CD81: variants seen among roughly 807,000 people sequenced by gnomAD.
CD81 encodes the protein CD81 molecule, also known as CD81 antigen.
Under a neutral mutation model 30.1 loss-of-function variants are expected in CD81, and 10 were observed. The ratio of observed to expected loss-of-function variants is 0.33; its 90% CI spans 0.21 to 0.56. CD81 has a LOEUF of 0.56. CD81 is among the 20% of genes least tolerant of loss of function. The probability of loss-of-function intolerance (pLI) is 0.89; values close to 1 mark genes in which losing one functional copy is unlikely to be tolerated. For synonymous variants in CD81, 147 were observed against 126.4 expected, an observed-to-expected ratio of 1.16 and a Z score of -1.10; for missense variants, 263 against 308.7, an observed-to-expected ratio of 0.85 and a Z score of 1.11.
chr11:2,386,020 ACAGCCCCCGTTGTATGCGTCC>A (rs1178341568), intron 1 of CD81: 1 of 715,704 alleles, frequency 1.4e-6, no homozygotes, highest in Non-Finnish European at 2.6e-6. Flanking sequence ...GGACCGTTTT[ACAGCCCCCGTTGTATGCGTCC>A]CAGTTGCCTC....
At chr11:2,394,710 C>T (rs150593191) in intron 3 of CD81, 3 of 586,276 alleles carry the variant, frequency 5.1e-6, no homozygotes, top group East Asian at 5.8e-5. Flanking sequence ...GACCCCAAAC[C>T]ACACGCCCCG....
At chr11:2,393,716 G>A in intron 2 of CD81, 1 of 597,370 alleles carries the variant, frequency 1.7e-6, no homozygotes, top group Non-Finnish European at 3.0e-6. Context: ...AGTCCCAGAG[G>A]CTTTGGGAGC....
chr11:2,384,023 C>A (rs944080435), intron 1 of CD81, among the ~76,000 whole-genome samples: 1 of 152,194 alleles, frequency 6.6e-6, no homozygotes, highest in Non-Finnish European at 1.5e-5. Context: ...CGCCTGCTGC[C>A]TTTTGCTCCC....
intron 6 of CD81, chr11:2,396,421 C>T (rs181754891): frequency 4.3e-5 from 27 of 623,292 alleles, no homozygotes; most frequent in East Asian, 2.5e-4. Context: ...CCAGGCATTT[C>T]GCGTTTATGT....
intron 6 of CD81, 171 bp downstream of exon 6, chr11:2,396,141 C>A: frequency 1.5e-6 from 1 of 665,284 alleles, no homozygotes. Context: ...CGCATCTGGC[C>A]CACGAGGAAG....
chr11:2,380,969 G>A (rs890643678), intron 1 of CD81, among the ~76,000 whole-genome samples: 5 of 152,228 alleles, frequency 3.3e-5, no homozygotes, highest in Admixed American at 6.5e-5. Context: ...TCGCTCACGG[G>A]TATTTCTCGC....
intron 1 of CD81, chr11:2,385,889 C>A: frequency 1.5e-6 from 1 of 649,298 alleles, no homozygotes; most frequent in Non-Finnish European, 2.9e-6. Context: ...TTGTGTGAAC[C>A]TAAGTTCATT....
chr11:2,392,428 G>C (rs549960481), intron 2 of CD81: 3 of 152,362 alleles, frequency 2.0e-5, no homozygotes, highest in African/African-American at 7.2e-5. Flanking sequence ...GTTGGAAGCA[G>C]GTGTCTGACC....
upstream of CD81, chr11:2,377,257 G>T: frequency 6.6e-6 from 1 of 152,160 alleles, no homozygotes; most frequent in South Asian, 1.9e-4. This position sits in a 1 kb window ranked among gnomAD's most constrained non-coding sequence, Gnocchi z 7.7. Context: ...CGGGGCCTAT[G>T]GAGGGGCGGG....
At chr11:2,393,763 C>CGGTGGGT in intron 2 of CD81, 1 of 607,330 alleles carries the variant, frequency 1.6e-6, no homozygotes. Flanking sequence ...CAGGTGCAGG[C>CGGTGGGT]GGTGGGTGGT....
intron 1 of CD81, chr11:2,379,209 G>C (rs543136953): frequency 4.2e-4 from 192 of 455,280 alleles, no homozygotes; most frequent in Non-Finnish European, 7.1e-4. Context: ...CTGACGAGGC[G>C]AGTGTGGACC....
intron 1 of CD81, among the ~76,000 whole-genome samples, chr11:2,380,191 G>A (rs2133440858): frequency 6.6e-6 from 1 of 152,302 alleles, no homozygotes; most frequent in African/African-American, 2.4e-5. Context: ...TGTGCAGTGG[G>A]GAAGGGGCTG....
At position 2,397,201 on chromosome 11, in the gene CD81, T is replaced by TG. The variant is rs763029467; in HGVS notation, c.*341dup. 4.7e-5 allele frequency: 20 copies of TG among 422,196 alleles called. No individual in the cohort carries two copies. The highest frequency in any genetic ancestry group is 8.9e-5 in the Non-Finnish European group (20 of 225,900). 26.2% of individuals were successfully genotyped at this position (422,196 alleles called of 1,614,324 possible). ...GCCCAGAGACTCAGCTTGGCCAACT[T>TG]GGGGGGCTGTGTCCACCCAGCCCGC... On this transcript the variant is annotated 3_prime_UTR_variant, in exon 8 of 8. Coordinates refer to ENST00000263645, the MANE Select transcript of CD81 (RefSeq NM_004356.4).
rs1249948286 is a variant in CD81, at chr11:2,397,019, A to T, written c.*153A>T. On this transcript the variant is annotated 3_prime_UTR_variant, in exon 8 of 8. Coordinates refer to ENST00000263645, the MANE Select transcript of CD81 (RefSeq NM_004356.4). ...CTTTTGGGGTTTTGTTTTTGTTCTG[A>T]ACTTTCCTGTTACCTTTTCAGGGCT... 1.1e-5 allele frequency: 8 copies of T among 756,430 alleles called. No homozygotes were observed. The highest frequency in any genetic ancestry group is 1.8e-5 in the Non-Finnish European group (8 of 446,576). 46.9% of individuals were successfully genotyped at this position (756,430 alleles called of 1,614,324 possible). A position where few individuals can be genotyped will look rare whatever the true frequency, so the allele number is the denominator to read the frequency against.
intron 1 of CD81, among the ~76,000 whole-genome samples, chr11:2,381,527 ACC>A (rs1300537231): frequency 6.6e-6 from 1 of 152,158 alleles, no homozygotes; most frequent in Non-Finnish European, 1.5e-5. Flanking sequence ...AAAGATCCCT[ACC>A]CCTATTTCCG....
At chr11:2,393,409 C>T (rs753435867) in intron 2 of CD81, 21 of 161,842 alleles carry the variant, frequency 1.3e-4, no homozygotes, top group Non-Finnish European at 2.3e-4. Flanking sequence ...CTGGCCTACA[C>T]GCCCTGGTCC....
chr11:2,386,116 T>C (rs2133449467), intron 1 of CD81: 3 of 717,434 alleles, frequency 4.2e-6, no homozygotes, highest in Non-Finnish European at 7.8e-6. Context: ...GCGCTCGGCA[T>C]GTGGCTGCAG....
intron 1 of CD81, chr11:2,386,406 CA>C (rs1849798583): frequency 1.5e-6 from 1 of 647,732 alleles, no homozygotes; most frequent in African/African-American, 1.8e-5. Flanking sequence ...TGTTATGGGG[CA>C]GGGGCACCTG....
intron 4 of CD81, 88 bp downstream of exon 4, chr11:2,395,134 G>A: frequency 9.2e-7 from 1 of 1,085,542 alleles, no homozygotes; most frequent in Non-Finnish European, 1.4e-6. Context: ...CTGACTCATG[G>A]CTTGTGGGAG....
Sources: gnomAD v4.1 joint callset for allele counts (sites outside exome capture counted in the v4.1 genomes callset) on GRCh38, gnomAD v4.1.1 for gene constraint, Gnocchi (gnomAD v3.1) non-coding constraint, MANE v1.5 for transcripts, NCBI Gene and HGNC (gene_info 2026-07-23, HGNC 2026-07-21) for gene names.